The following MYT1L variants were observed in gnomAD, a reference collection of about 807,000 sequenced individuals.
MYT1L encodes myelin transcription factor 1 like, also known as myelin transcription factor 1-like protein.
Under a neutral mutation model 126.7 loss-of-function variants are expected in MYT1L, and 12 were observed. The observed-to-expected ratio is 0.09, with a 90% CI of 0.06 to 0.15. The LOEUF (loss-of-function observed/expected upper bound fraction) is 0.15, where lower values mean the gene tolerates loss of function less well. MYT1L is among the 10% of genes least tolerant of loss of function. The pLI is 1.00. For synonymous variants in MYT1L, 541 were observed against 604.2 expected (o/e 0.90, Z 1.53); for missense variants, 979 against 1,585.2 (o/e 0.62, Z 6.49).
At chr2:2,286,016 T>C (rs936521725) in intron 1 of MYT1L, among the ~76,000 whole-genome samples, 1 of 152,004 alleles carries the variant, frequency 6.6e-6, no homozygotes, top group African/African-American at 2.4e-5. Context: ...GGACTGTCAC[T>C]CTGTCACCCA....
rs1029812056 is a variant in MYT1L at position 2,227,499 on chromosome 2, G to C, written c.-420-54511C>G. Among the ~76,000 whole-genome samples the C allele has an allele frequency of 4.6e-5, 7 of 152,248 alleles. No homozygotes were observed. In the Middle Eastern group the frequency reaches 0.01, roughly 222 times the overall value. On this transcript the variant is annotated intron_variant, in intron 2 of 24. Transcript: ENST00000647738. ...CGAGGGACCACAGGATGGAGCCCAG[G>C]ATGAGGCTTCCAGGTGGAACCCATA... is the stretch of plus-strand genomic sequence containing the variant.
At chr2:1,880,852 C>A (rs1306500763) in intron 18 of MYT1L, among the ~76,000 whole-genome samples, 2 of 152,184 alleles carry the variant, frequency 1.3e-5, no homozygotes, top group African/African-American at 4.8e-5. Flanking sequence ...CTTGTATTAC[C>A]CAAGTCTGAG....
intron 21 of MYT1L, among the ~76,000 whole-genome samples, chr2:1,821,025 C>G (rs569289382): frequency 8.5e-5 from 13 of 152,288 alleles, no homozygotes; most frequent in African/African-American, 2.6e-4. Context: ...AGATTTTGGA[C>G]TTGTGGAGCC....
chr2:2,161,281 A>C (rs996218822), intron 3 of MYT1L, among the ~76,000 whole-genome samples: 2 of 152,256 alleles, frequency 1.3e-5, no homozygotes, highest in African/African-American at 4.8e-5. Context: ...GGAAATGTGT[A>C]TCCTGCTTGG....
Position 1,943,384 on chromosome 2 carries a change from G to C in MYT1L, c.153-50C>G. The C allele has an allele frequency of 6.8e-7, 1 of 1,473,824 alleles. No homozygotes were observed. Among genetic ancestry groups the C allele is most frequent in the Non-Finnish European group, 9.0e-7 (1 of 1,114,676 alleles). 91.3% of individuals were successfully genotyped at this position (1,473,824 alleles called of 1,614,324 possible). A position where few individuals can be genotyped will look rare whatever the true frequency, so the allele number is the denominator to read the frequency against. The stretch of plus-strand genomic sequence containing the variant: ...GGGGAGAGAGAGAAAAAAAATATCT[G>C]TGTTACTGTCTTTTAAAATCAGACC... On this transcript the variant is annotated intron_variant, in intron 8 of 24. Coordinates refer to ENST00000647738, the MANE Select transcript of MYT1L (RefSeq NM_001303052.2). This position sits in a 1 kb window ranked among gnomAD's most constrained non-coding sequence, Gnocchi z 4.4.
At chr2:2,158,361 G>A (rs1175462272) in intron 3 of MYT1L, among the ~76,000 whole-genome samples, 1 of 152,206 alleles carries the variant, frequency 6.6e-6, no homozygotes, top group East Asian at 1.9e-4. Context: ...GTGAAACAGT[G>A]TGTTTGGCAT....
At chr2:2,207,771 C>A (rs1384712444) in intron 2 of MYT1L, among the ~76,000 whole-genome samples, 2 of 152,318 alleles carry the variant, frequency 1.3e-5, no homozygotes, top group Middle Eastern at 3.4e-3. Context: ...TTACACAAAT[C>A]TTCTAAAGGA....
At chr2:2,316,715 T>C (rs1301601584) in intron 1 of MYT1L, among the ~76,000 whole-genome samples, 3 of 152,362 alleles carry the variant, frequency 2.0e-5, no homozygotes, top group East Asian at 1.9e-4. Context: ...ACAAAATGTA[T>C]AAAATCAATA....
intron 3 of MYT1L, among the ~76,000 whole-genome samples, chr2:2,150,418 T>C (rs2085563578): frequency 6.6e-6 from 1 of 152,198 alleles, no homozygotes; most frequent in African/African-American, 2.4e-5. Context: ...GATTTCAGTT[T>C]TCCATCTACT....
At chr2:1,896,934 T>G (rs943962590) in intron 14 of MYT1L, among the ~76,000 whole-genome samples, 3 of 152,224 alleles carry the variant, frequency 2.0e-5, no homozygotes, top group African/African-American at 7.2e-5. Context: ...TTATAAAATG[T>G]AGATGTGACG....
chr2:2,075,264 C>T (rs1379974725), intron 3 of MYT1L, among the ~76,000 whole-genome samples: 2 of 152,146 alleles, frequency 1.3e-5, no homozygotes, highest in South Asian at 2.1e-4. Flanking sequence ...TTGTGATAGA[C>T]GTTCTTAGAG....
intron 4 of MYT1L, among the ~76,000 whole-genome samples, chr2:2,050,765 G>A (rs749663798): frequency 2.2e-4 from 33 of 152,264 alleles, no homozygotes; most frequent in Non-Finnish European, 4.3e-4. Context: ...GCGGGACTTG[G>A]GGTTGTGTGC....
intron 8 of MYT1L, among the ~76,000 whole-genome samples, chr2:1,961,132 A>G (rs2058928073): frequency 6.6e-6 from 1 of 152,182 alleles, no homozygotes; most frequent in Admixed American, 6.5e-5. Flanking sequence ...ATCATTTCAA[A>G]CCTGGCTGTA....
chr2:2,127,757 T>C (rs1180770916), intron 3 of MYT1L, among the ~76,000 whole-genome samples: 1 of 152,146 alleles, frequency 6.6e-6, no homozygotes, highest in Non-Finnish European at 1.5e-5. Context: ...GCACAAAGGC[T>C]CACATTTGTG....
intron 2 of MYT1L, among the ~76,000 whole-genome samples, chr2:2,178,395 T>C (rs190141013): frequency 5.3e-5 from 8 of 152,322 alleles, no homozygotes; most frequent in African/African-American, 1.9e-4. Context: ...ACATCACATT[T>C]GTGGCTGATT....
intron 21 of MYT1L, among the ~76,000 whole-genome samples, chr2:1,832,102 G>C (rs1240515225): frequency 1.3e-5 from 2 of 152,180 alleles, no homozygotes; most frequent in Non-Finnish European, 2.9e-5. Context: ...CCTAACCCCT[G>C]GGTGTGTTTG....
intron 1 of MYT1L, among the ~76,000 whole-genome samples, chr2:2,301,640 G>T (rs1201824687): frequency 1.3e-5 from 2 of 151,824 alleles, no homozygotes; most frequent in Non-Finnish European, 2.9e-5. Context: ...ACCAGCCTGG[G>T]CATTATAGTG....
At position 1,922,728 on chromosome 2, in the gene MYT1L, C is replaced by T; in HGVS notation, c.1041G>A (p.Gln347=). ...LARKLSETNP[Q]ERNPQQNMNI... is the part of the protein sequence containing the mutation. Reference sequence around the variant, plus strand: ...TCATGTTCTGCTGCGGATTCCTCTCCTGCGGGTTGGTCTCACTGAGCTTCC... The same window carrying T: ...TCATGTTCTGCTGCGGATTCCTCTCTTGCGGGTTGGTCTCACTGAGCTTCC... The change falls in exon 10 of 25, where the codon CAG becomes CAA. Residue 347 remains glutamine, a synonymous_variant. Coordinates refer to ENST00000647738, the MANE Select transcript of MYT1L (RefSeq NM_001303052.2). This position sits in a 1 kb window ranked among gnomAD's most constrained non-coding sequence, Gnocchi z 7.4. 1 of 1,613,930 alleles carries T rather than the reference C, an allele frequency of 6.2e-7. No homozygotes were observed. Among genetic ancestry groups the T allele is most frequent in the Non-Finnish European group, 8.5e-7 (1 of 1,179,894 alleles).
intron 4 of MYT1L, among the ~76,000 whole-genome samples, chr2:2,000,096 A>G (rs940862619): frequency 6.6e-6 from 1 of 152,192 alleles, no homozygotes; most frequent in Non-Finnish European, 1.5e-5. Context: ...GTGGCTGTGC[A>G]TGACTCCAGA....
Sources: gnomAD v4.1 joint callset for allele counts (sites outside exome capture counted in the v4.1 genomes callset) on GRCh38, gnomAD v4.1.1 for gene constraint, Gnocchi (gnomAD v3.1) non-coding constraint, MANE v1.5 for transcripts, NCBI Gene and HGNC (gene_info 2026-07-23, HGNC 2026-07-21) for gene names.